The following CADM2 variants were observed in gnomAD, a reference collection of about 807,000 sequenced individuals.
CADM2 encodes immunoglobulin superfamily member 4D.
CADM2 carries 12 observed loss-of-function variants against 49.8 expected under a neutral mutation model. The ratio of observed to expected loss-of-function variants is 0.24; its 90% CI spans 0.15 to 0.39. The LOEUF (loss-of-function observed/expected upper bound fraction) is 0.39, where lower values mean the gene tolerates loss of function less well. CADM2 is among the 10% of genes least tolerant of loss of function. CADM2 has a pLI of 1.00. For missense variants in CADM2, 378 were observed against 492.3 expected (o/e 0.77, Z 2.20); for synonymous variants, 214 against 175.4 (o/e 1.22, Z -1.74).
At chr3:85,779,441 A>C (rs958567569) in intron 2 of CADM2, among the ~76,000 whole-genome samples, 1 of 152,188 alleles carries the variant, frequency 6.6e-6, no homozygotes, top group African/African-American at 2.4e-5. Context: ...ATTGACTCAC[A>C]GTTCAGCATG....
chr3:85,954,821 C>G (rs1178391329), intron 7 of CADM2, among the ~76,000 whole-genome samples: 1 of 151,178 alleles, frequency 6.6e-6, no homozygotes, highest in Admixed American at 6.6e-5. Context: ...TGCATAGACT[C>G]TTACTATAAT....
chr3:85,278,126 TG>T (rs2043405664), intron 1 of CADM2, among the ~76,000 whole-genome samples: 1 of 151,252 alleles, frequency 6.6e-6, no homozygotes, highest in South Asian at 2.1e-4. Flanking sequence ...ATTATACAGT[TG>T]CCCTACATTT....
chr3:85,773,596 A>C (rs2070209958), intron 2 of CADM2, among the ~76,000 whole-genome samples: 1 of 152,030 alleles, frequency 6.6e-6, no homozygotes, highest in Admixed American at 6.6e-5. Context: ...GGAGTTCATT[A>C]GTTGGATTAT....
At chr3:84,996,380 C>G (rs1034739381) in intron 1 of CADM2, among the ~76,000 whole-genome samples, 13 of 151,954 alleles carry the variant, frequency 8.6e-5, no homozygotes, top group Non-Finnish European at 1.8e-4. Context: ...CTTCATTCAC[C>G]TAATAATTAA....
chr3:85,479,437 T>A (rs937921586), intron 1 of CADM2, among the ~76,000 whole-genome samples: 1 of 104,030 alleles, frequency 9.6e-6, no homozygotes, highest in Admixed American at 1.1e-4. Flanking sequence ...CAACAAACTT[T>A]AAAGATGGGT....
chr3:85,171,663 C>A (rs2040631850), intron 1 of CADM2, among the ~76,000 whole-genome samples: 2 of 152,128 alleles, frequency 1.3e-5, no homozygotes, highest in African/African-American at 4.8e-5. Flanking sequence ...TCTTTGGCAA[C>A]CCCCTATCAG....
At chr3:85,659,732 C>T (rs2107606218) in intron 1 of CADM2, among the ~76,000 whole-genome samples, 1 of 152,190 alleles carries the variant, frequency 6.6e-6, no homozygotes, top group East Asian at 1.9e-4. Context: ...ATGTGTTACC[C>T]AGGATCTTGT....
At chr3:85,381,157 A>G (rs999059992) in intron 1 of CADM2, among the ~76,000 whole-genome samples, 18 of 152,108 alleles carry the variant, frequency 1.2e-4, no homozygotes, top group African/African-American at 4.1e-4. Flanking sequence ...TAGAGAAGTG[A>G]TATAAAGCAT....
At chr3:85,970,759 G>A (rs1029650296) in intron 8 of CADM2, among the ~76,000 whole-genome samples, 1 of 151,522 alleles carries the variant, frequency 6.6e-6, no homozygotes, top group African/African-American at 2.4e-5. Flanking sequence ...GCACAGTTTA[G>A]TTAATCCTCA....
chr3:85,997,326 A>C (rs1055838613), intron 8 of CADM2, among the ~76,000 whole-genome samples: 25 of 152,202 alleles, frequency 1.6e-4, no homozygotes, highest in African/African-American at 5.3e-4. Flanking sequence ...CATGAACTTT[A>C]ATACTGTGTC....
chr3:85,740,342 G>C (rs2068331016), intron 2 of CADM2, among the ~76,000 whole-genome samples: 2 of 152,084 alleles, frequency 1.3e-5, no homozygotes, highest in Admixed American at 1.3e-4. Flanking sequence ...TGGTCCAACA[G>C]CTTCAGTAAT....
At chr3:85,443,962 C>T (rs533251354) in intron 1 of CADM2, among the ~76,000 whole-genome samples, 1 of 152,114 alleles carries the variant, frequency 6.6e-6, no homozygotes, top group East Asian at 1.9e-4. Flanking sequence ...CATCTGTTTT[C>T]CATTCCACTA....
chr3:85,907,845 AG>A (rs1202706372), intron 5 of CADM2, among the ~76,000 whole-genome samples: 1 of 151,380 alleles, frequency 6.6e-6, no homozygotes, highest in Non-Finnish European at 1.5e-5. Context: ...TGAGATGCAG[AG>A]GTTGCAGTGA....
chr3:85,643,545 T>G (rs899938357), intron 1 of CADM2, among the ~76,000 whole-genome samples: 5 of 152,174 alleles, frequency 3.3e-5, no homozygotes, highest in Non-Finnish European at 5.9e-5. Context: ...CTTGATTTAC[T>G]GAAATTACAG....
chr3:84,970,111 G>A (rs1257597003), intron 1 of CADM2, among the ~76,000 whole-genome samples: 3 of 140,534 alleles, frequency 2.1e-5, no homozygotes, highest in African/African-American at 8.0e-5. Flanking sequence ...AGTCCCTGAA[G>A]TGAAGATTCA....
intron 1 of CADM2, among the ~76,000 whole-genome samples, chr3:85,240,365 A>G (rs1483668746): frequency 1.3e-5 from 2 of 151,504 alleles, no homozygotes; most frequent in African/African-American, 4.8e-5. Flanking sequence ...TTATTTTTAA[A>G]GGTCATAGAT....
At chr3:85,677,897 A>G (rs559325138) in intron 1 of CADM2, among the ~76,000 whole-genome samples, 1 of 152,222 alleles carries the variant, frequency 6.6e-6, no homozygotes, top group East Asian at 1.9e-4. Flanking sequence ...CAGCTCTGCT[A>G]CTGGACCTCT....
At chr3:86,028,928 A>T (rs1734240376) in intron 8 of CADM2, among the ~76,000 whole-genome samples, 1 of 152,162 alleles carries the variant, frequency 6.6e-6, no homozygotes, top group Non-Finnish European at 1.5e-5. Context: ...TTCAAGTGGG[A>T]CATTAAAAAG....
intron 1 of CADM2, among the ~76,000 whole-genome samples, chr3:85,317,774 T>G (rs199704965): frequency 0.096 from 14,652 of 152,086 alleles, 1,458 homozygotes; most frequent in African/African-American, 0.26. Context: ...GATTCCCGAC[T>G]CAAGAATTCC....
Sources: allele counts gnomAD v4.1 joint callset (sites outside exome capture counted in the v4.1 genomes callset), GRCh38; gene constraint gnomAD v4.1.1; transcripts MANE v1.5; gene names NCBI Gene and HGNC (gene_info 2026-07-23, HGNC 2026-07-21).